Variants in FAM149A observed in about 807,000 individuals in gnomAD.
FAM149A encodes protein FAM149A.
Under a neutral mutation model 78.2 loss-of-function variants are expected in FAM149A, and 71 were observed. The ratio of observed to expected loss-of-function variants is 0.91; its 90% CI spans 0.75 to 1.11. The LOEUF (loss-of-function observed/expected upper bound fraction) is 1.11, where lower values mean the gene tolerates loss of function less well. Ranked by LOEUF, FAM149A falls within the 50% of genes least tolerant of loss-of-function variation. The probability of loss-of-function intolerance (pLI) is 0.00; values close to 1 mark genes in which losing one functional copy is unlikely to be tolerated. For synonymous variants in FAM149A, 446 were observed against 410.5 expected (o/e 1.09, Z -1.04); for missense variants, 1,036 against 971.0 (o/e 1.07, Z -0.89).
At chr4:186,118,836 TG>T (rs929864780) in intron 1 of FAM149A, among the ~76,000 whole-genome samples, 1 of 152,218 alleles carries the variant, frequency 6.6e-6, no homozygotes, top group African/African-American at 2.4e-5. Flanking sequence ...ACCCACTGCC[TG>T]GGAGGAGGGA....
At chr4:186,146,435 C>A (rs777337607) in intron 1 of FAM149A, 2 of 984,838 alleles carry the variant, frequency 2.0e-6, no homozygotes, top group Non-Finnish European at 2.4e-6. Context: ...CAGTGGGAAG[C>A]CTGGTCCTGG....
chr4:186,148,117 AG>A (rs1216045385), intron 1 of FAM149A, among the ~76,000 whole-genome samples: 2 of 152,132 alleles, frequency 1.3e-5, no homozygotes, highest in African/African-American at 2.4e-5. Flanking sequence ...ACTTGAGGTT[AG>A]GAGTTCGAGA....
intron 1 of FAM149A, among the ~76,000 whole-genome samples, chr4:186,136,147 T>TG: frequency 6.6e-6 from 1 of 152,334 alleles, no homozygotes; most frequent in Non-Finnish European, 1.5e-5. Flanking sequence ...AATCAAACAT[T>TG]GAAAAACACA....
intron 1 of FAM149A, among the ~76,000 whole-genome samples, chr4:186,119,708 T>G (rs984787484): frequency 1.3e-5 from 2 of 152,222 alleles, no homozygotes; most frequent in Non-Finnish European, 2.9e-5. Flanking sequence ...ATATCAGGCT[T>G]TTAAAGTTAA....
At chr4:186,131,522 CAAAT>C (rs2099320733) in intron 1 of FAM149A, among the ~76,000 whole-genome samples, 1 of 152,192 alleles carries the variant, frequency 6.6e-6, no homozygotes, top group Non-Finnish European at 1.5e-5. Flanking sequence ...ATAACTGTGA[CAAAT>C]AAATGTCTGT....
At chr4:186,162,248 A>T (rs1169381526) in intron 8 of FAM149A, among the ~76,000 whole-genome samples, 1 of 152,196 alleles carries the variant, frequency 6.6e-6, no homozygotes, top group Non-Finnish European at 1.5e-5. Flanking sequence ...GTTCAGACTG[A>T]TGCTTTCGAG....
intron 13 of FAM149A, chr4:186,170,878 A>G (rs1735468834): frequency 6.6e-6 from 1 of 152,276 alleles, no homozygotes; most frequent in Non-Finnish European, 1.5e-5. Flanking sequence ...AAAGTCCAGA[A>G]GCTTCTGCAC....
intron 1 of FAM149A, among the ~76,000 whole-genome samples, chr4:186,106,652 A>G (rs184433377): frequency 2.0e-4 from 31 of 152,334 alleles, no homozygotes; most frequent in Non-Finnish European, 3.4e-4. Flanking sequence ...ATTCATGTCA[A>G]TATGAAAACA....
intron 1 of FAM149A, chr4:186,125,827 A>C: frequency 1.0e-6 from 1 of 985,200 alleles, no homozygotes; most frequent in Non-Finnish European, 1.2e-6. Flanking sequence ...GGCCAAAAAG[A>C]AATACGAGGT....
intron 1 of FAM149A, among the ~76,000 whole-genome samples, chr4:186,135,883 G>A (rs749223759): frequency 3.3e-5 from 5 of 152,182 alleles, no homozygotes; most frequent in Non-Finnish European, 5.9e-5. Flanking sequence ...TGACCGCAGC[G>A]GGGAGCACGC....
At chr4:186,108,967 C>T (rs2099310015) in intron 1 of FAM149A, 1 of 151,582 alleles carries the variant, frequency 6.6e-6, no homozygotes, top group African/African-American at 2.4e-5. Context: ...CCTGCCTCAG[C>T]CTCCCGAGTA....
intron 1 of FAM149A, chr4:186,125,273 G>A (rs1226220399): frequency 4.1e-6 from 4 of 985,148 alleles, no homozygotes; most frequent in Non-Finnish European, 4.8e-6. Flanking sequence ...TTGTTGTTTT[G>A]TGATATGTGC....
At chr4:186,135,353 T>C (rs1215857242) in intron 1 of FAM149A, among the ~76,000 whole-genome samples, 1 of 152,200 alleles carries the variant, frequency 6.6e-6, no homozygotes, top group African/African-American at 2.4e-5. Flanking sequence ...GAAGACATTG[T>C]GTTGTAATGT....
In FAM149A at chr4:186,142,362, C is replaced by T. The variant is rs541843939; in HGVS notation, c.567-6811C>T. Among the ~76,000 whole-genome samples the T allele has an allele frequency of 5.9e-5, 9 of 152,260 alleles. 1 individual carries two copies. Among genetic ancestry groups the T allele is most frequent in the South Asian group, 2.1e-4 (1 of 4,820 alleles). ...CCCAAGCAGAAGCCTCATCTGTACG[C>T]GGACATGCTTTAGATGATGAGACTT... On this transcript the variant is annotated intron_variant, in intron 1 of 13. Transcript: ENST00000389354.
intron 11 of FAM149A, among the ~76,000 whole-genome samples, chr4:186,165,754 A>C (rs1734977065): frequency 6.6e-6 from 1 of 152,222 alleles, no homozygotes; most frequent in African/African-American, 2.4e-5. Flanking sequence ...AGAAGAGAGC[A>C]TGAAATTTGG....
chr4:186,131,313 A>G (rs1293903103), intron 1 of FAM149A, among the ~76,000 whole-genome samples: 1 of 151,368 alleles, frequency 6.6e-6, no homozygotes, highest in South Asian at 2.1e-4. Context: ...ATGCCACTGC[A>G]CTCCAGTCTG....
intron 1 of FAM149A, among the ~76,000 whole-genome samples, chr4:186,128,890 A>ATG (rs1449520548): frequency 6.7e-6 from 1 of 149,526 alleles, no homozygotes; most frequent in African/African-American, 2.5e-5. Context: ...ATGGGTGTGT[A>ATG]TGTGTGTGTG....
rs1733622018 is a variant in FAM149A, at chr4:186,152,030, G to C, written c.917G>C (p.Arg306Thr). 6.2e-7 allele frequency: 1 copy of C among 1,613,908 alleles called. No homozygotes were observed. The highest frequency in any genetic ancestry group is 1.3e-5 in the African/African-American group (1 of 75,028). ...GCCGAATGCGGGGAGTGGACAAGAA[G>C]ATCCCTCCATTTGAGGTGGGACCTT... is the stretch of plus-strand genomic sequence containing the variant. The change falls in exon 4 of 14, where the codon AGA becomes ACA. Residue 306 changes from arginine to threonine, a missense_variant. This residue lies in a region of FAM149A where 716 missense variants were observed against 711.8 expected (regional missense o/e 1.01). Transcript: ENST00000389354.
At chr4:186,166,111 T>G (rs1050741391) in intron 11 of FAM149A, among the ~76,000 whole-genome samples, 12 of 152,138 alleles carry the variant, frequency 7.9e-5, no homozygotes, top group Non-Finnish European at 7.4e-5. Flanking sequence ...AGCATGCATA[T>G]CCAGGCAGCC....
Sources: gnomAD v4.1 joint callset for allele counts (sites outside exome capture counted in the v4.1 genomes callset) on GRCh38, gnomAD v4.1.1 for gene constraint, gnomAD v4.1.1 regional missense constraint, MANE v1.5 for transcripts, NCBI Gene and HGNC (gene_info 2026-07-23, HGNC 2026-07-21) for gene names.